The following DMD variants were observed in gnomAD, a reference collection of about 807,000 sequenced individuals.
The protein encoded by DMD is dystrophin, also known as mutant dystrophin.
A neutral mutation model predicts 330.1 loss-of-function variants in DMD; 63 were observed. The ratio of observed to expected loss-of-function variants is 0.19; its 90% confidence interval spans 0.16 to 0.24. The LOEUF is 0.24. DMD is among the 10% of genes least tolerant of loss of function. The pLI is 1.00. For missense variants in DMD, 3,344 were observed against 2,684.1 expected (o/e 1.25, Z -5.43); for synonymous variants, 1,223 against 959.8 (o/e 1.27, Z -5.07).
intron 43 of DMD, among the ~76,000 whole-genome samples, chrX:32,257,287 G>A (rs1041786696): frequency 4.5e-5 from 5 of 112,004 alleles, no homozygotes; most frequent in African/African-American, 1.3e-4. Context: ...GGCTACCACT[G>A]ACTTTCTTTA....
chrX:32,298,738 G>T lies in DMD; in HGVS notation c.6118-11037C>A, dbSNP rs151073611. On this transcript the variant is annotated intron_variant, in intron 42 of 78. Transcript: ENST00000357033. ...TTGACACAAAGGAATTTTATTTAGG[G>T]GAGGTGGGAAAGGGGATAAGAAAAA... 1.2e-4 allele frequency among the ~76,000 whole-genome samples: 13 copies of T among 110,697 alleles called. No homozygotes were observed. In the East Asian group the frequency reaches 3.7e-3, roughly 32 times the overall value.
At chrX:32,554,935 A>C (rs951143828) in intron 16 of DMD, among the ~76,000 whole-genome samples, 1 of 28,287 alleles carries the variant, frequency 3.5e-5, no homozygotes, top group Admixed American at 4.7e-4. Flanking sequence ...GAAAGAAAGA[A>C]AGAAAGAGAG....
intron 44 of DMD, among the ~76,000 whole-genome samples, chrX:32,199,780 TTGTGTGTGTGTGTGTGTGTGTGTGTG>T (rs35897988): frequency 0.015 from 1,241 of 84,044 alleles, 17 homozygotes; most frequent in African/African-American, 0.055. Flanking sequence ...CGCAAGGCTT[TTGTGTGTGTGTGTGTGTGTGTGTGTG>T]TGTGTGTGTG....
chrX:31,472,576 A>T (rs2067378531), intron 59 of DMD, among the ~76,000 whole-genome samples: 1 of 112,132 alleles, frequency 8.9e-6, no homozygotes, highest in African/African-American at 3.2e-5. Context: ...TCAATGTCAA[A>T]TTCTAACATA....
intron 1 of DMD, among the ~76,000 whole-genome samples, chrX:33,146,774 A>C (rs968940278): frequency 1.8e-5 from 2 of 111,930 alleles, no homozygotes; most frequent in Non-Finnish European, 3.8e-5. Flanking sequence ...GTAAGGAATC[A>C]AGGTGAGGGC....
chrX:32,831,649 CGTGTGTGTGTGTGTGTGTGTGTGTGTGT>C (rs6151283), intron 4 of DMD, among the ~76,000 whole-genome samples: 1 of 89,754 alleles, frequency 1.1e-5, no homozygotes, highest in Non-Finnish European at 2.2e-5. Flanking sequence ...AAGATATTTA[CGTGTGTGTGTGTGTGTGTGTGTGTGTGT>C]GTGTGTGTGT....
chrX:31,162,252 C>T (rs2038901675), intron 74 of DMD, among the ~76,000 whole-genome samples: 1 of 103,804 alleles, frequency 9.6e-6, no homozygotes, highest in Non-Finnish European at 1.9e-5. Context: ...CATCCTCAGG[C>T]CTGGAAAGTA....
intron 7 of DMD, among the ~76,000 whole-genome samples, chrX:32,711,105 T>C (rs749939616): frequency 8.9e-6 from 1 of 111,947 alleles, no homozygotes; most frequent in Non-Finnish European, 1.9e-5. Context: ...TTACTGCTAT[T>C]TTAATTACTG....
chrX:31,128,040 T>C (rs1012326588), intron 77 of DMD, among the ~76,000 whole-genome samples: 5 of 111,661 alleles, frequency 4.5e-5, no homozygotes, highest in African/African-American at 1.6e-4. Flanking sequence ...TGGGTGTCAC[T>C]AGTGGGAGAT....
chrX:32,438,896 C>A (rs73619085), intron 28 of DMD, among the ~76,000 whole-genome samples: 5,090 of 111,457 alleles, frequency 0.046, 285 homozygotes, highest in African/African-American at 0.16. Context: ...GCCTACTCGC[C>A]TCATAATATG....
chrX:31,568,687 T>C (rs1455635016), intron 55 of DMD, among the ~76,000 whole-genome samples: 2 of 111,811 alleles, frequency 1.8e-5, no homozygotes, highest in African/African-American at 6.5e-5. Context: ...GCATATTGTG[T>C]GCTCAGCTTT....
chrX:32,714,305 C>A (rs184704581), intron 7 of DMD, among the ~76,000 whole-genome samples: 51 of 111,404 alleles, frequency 4.6e-4, no homozygotes, highest in Admixed American at 1.2e-3. Context: ...GGTAATTTTT[C>A]ATCTCTCACC....
At chrX:31,683,736 T>C (rs1240974961) in intron 52 of DMD, among the ~76,000 whole-genome samples, 1 of 111,929 alleles carries the variant, frequency 8.9e-6, no homozygotes, top group Non-Finnish European at 1.9e-5. Context: ...ATCAAGAAAG[T>C]GTACTTTTAT....
intron 55 of DMD, among the ~76,000 whole-genome samples, chrX:31,613,484 T>A (rs150820515): frequency 0.032 from 3,546 of 111,464 alleles, 141 homozygotes; most frequent in African/African-American, 0.11. Flanking sequence ...CTACCCCAAC[T>A]GATATCAACT....
chrX:32,751,977 G>C (rs1239458642), intron 7 of DMD, among the ~76,000 whole-genome samples: 8 of 112,911 alleles, frequency 7.1e-5, no homozygotes, highest in Admixed American at 4.7e-4. Context: ...CCTCTGCCTA[G>C]ATTTCAGAGG....
chrX:33,063,056 CTTAAT>C (rs1384263619), intron 1 of DMD, among the ~76,000 whole-genome samples: 1 of 111,957 alleles, frequency 8.9e-6, no homozygotes, highest in African/African-American at 3.2e-5. Context: ...TAAATTTCTA[CTTAAT>C]AGAATATATA....
intron 44 of DMD, among the ~76,000 whole-genome samples, chrX:32,088,677 AGTGTGTGTGT>A (rs34596391): frequency 8.2e-5 from 8 of 97,410 alleles, no homozygotes; most frequent in East Asian, 6.7e-4. Context: ...ATAGCTCTGA[AGTGTGTGTGT>A]GTGTGTGTGT....
intron 9 of DMD, among the ~76,000 whole-genome samples, chrX:32,695,411 T>A (rs958068599): frequency 8.9e-6 from 1 of 111,948 alleles, no homozygotes; most frequent in Non-Finnish European, 1.9e-5. Flanking sequence ...TGAAGGAACA[T>A]GAAATACGTG....
chrX:32,380,980 A>G (rs1472242057), intron 33 of DMD, among the ~76,000 whole-genome samples: 1 of 110,881 alleles, frequency 9.0e-6, no homozygotes, highest in Non-Finnish European at 1.9e-5. Flanking sequence ...AAATACAATG[A>G]TATAAGTCAA....
Sources: gnomAD v4.1 joint callset for allele counts (sites outside exome capture counted in the v4.1 genomes callset) on GRCh38, gnomAD v4.1.1 for gene constraint, MANE v1.5 for transcripts, NCBI Gene and HGNC (gene_info 2026-07-23, HGNC 2026-07-21) for gene names.